AGBL4: variants seen among roughly 807,000 people sequenced by gnomAD.
The protein encoded by AGBL4 is cytosolic carboxypeptidase 6.
In AGBL4, 58 loss-of-function variants were observed where a neutral mutation model predicts 66.4. That is an observed-to-expected ratio of 0.87 (90% CI 0.71 to 1.09). The LOEUF (loss-of-function observed/expected upper bound fraction) is 1.09, where lower values mean the gene tolerates loss of function less well. Among genes scored for constraint, AGBL4 ranks in the 50% least tolerant of loss-of-function variants. AGBL4 has a pLI of 0.00. For missense variants in AGBL4, 579 were observed against 631.0 expected, an observed-to-expected ratio of 0.92 and a Z score of 0.88; for synonymous variants, 234 against 222.9, an observed-to-expected ratio of 1.05 and a Z score of -0.44.
At chr1:48,606,768 C>G (rs1018541383) in intron 9 of AGBL4, among the ~76,000 whole-genome samples, 1 of 152,164 alleles carries the variant, frequency 6.6e-6, no homozygotes, top group Non-Finnish European at 1.5e-5. Flanking sequence ...CTCAAAATAC[C>G]TCCTTCCTTT....
At chr1:49,221,988 C>T (rs1433045403) in intron 4 of AGBL4, among the ~76,000 whole-genome samples, 2 of 152,104 alleles carry the variant, frequency 1.3e-5, no homozygotes, top group Non-Finnish European at 2.9e-5. Flanking sequence ...CAAGATTGCT[C>T]TTACTAACGG....
intron 6 of AGBL4, among the ~76,000 whole-genome samples, chr1:48,788,020 G>T (rs767634194): frequency 6.6e-6 from 1 of 152,244 alleles, no homozygotes; most frequent in Non-Finnish European, 1.5e-5. Flanking sequence ...ATGGCAATAT[G>T]AAAAGTGAAA....
chr1:49,400,937 G>A (rs1645071784), intron 3 of AGBL4, among the ~76,000 whole-genome samples: 1 of 152,126 alleles, frequency 6.6e-6, no homozygotes, highest in Admixed American at 6.5e-5. Context: ...CAGTATACTA[G>A]CTATGGGTCT....
intron 4 of AGBL4, among the ~76,000 whole-genome samples, chr1:49,215,664 T>C (rs1649029653): frequency 6.6e-6 from 1 of 152,092 alleles, no homozygotes. Flanking sequence ...TTCAGACAGG[T>C]ACCCCTCTTT....
chr1:48,742,131 G>A (rs1650013034), intron 6 of AGBL4, among the ~76,000 whole-genome samples: 1 of 152,228 alleles, frequency 6.6e-6, no homozygotes, highest in Admixed American at 6.5e-5. Context: ...GGATAAGGGA[G>A]TATGTCTTGT....
At chr1:49,476,406 A>C (rs146786980) in intron 3 of AGBL4, among the ~76,000 whole-genome samples, 1 of 152,138 alleles carries the variant, frequency 6.6e-6, no homozygotes, top group African/African-American at 2.4e-5. Context: ...TATTCTGTAG[A>C]TGTCTATTAG....
At chr1:48,723,431 T>C (rs1316166607) in intron 6 of AGBL4, among the ~76,000 whole-genome samples, 1 of 152,200 alleles carries the variant, frequency 6.6e-6, no homozygotes, top group Non-Finnish European at 1.5e-5. Flanking sequence ...AAGTTCATTT[T>C]TGATCCTTAG....
chr1:49,640,604 C>T lies in AGBL4; in HGVS notation c.282+56709G>A, dbSNP rs546443344. On this transcript the variant is annotated intron_variant, in intron 3 of 13. Coordinates refer to ENST00000371839, the MANE Select transcript of AGBL4 (RefSeq NM_032785.4). ...ATTCTAAAGATGGAAAAGCCGTCTG[C>T]GCTAGCAAAGGATAATACAATATCA... Among the ~76,000 whole-genome samples the T allele has an allele frequency of 9.2e-5, 14 of 152,208 alleles. No homozygotes were observed. In the South Asian group the frequency reaches 1.2e-3, roughly 14 times the overall value.
chr1:48,795,139 G>A (rs1234009440), intron 6 of AGBL4, among the ~76,000 whole-genome samples: 1 of 152,052 alleles, frequency 6.6e-6, no homozygotes, highest in Non-Finnish European at 1.5e-5. Flanking sequence ...TTTCCCTGCT[G>A]TAAATCTTAC....
intron 5 of AGBL4, among the ~76,000 whole-genome samples, chr1:49,036,446 T>C (rs1664658171): frequency 6.6e-6 from 1 of 152,040 alleles, no homozygotes; most frequent in African/African-American, 2.4e-5. Flanking sequence ...AGGTAAAAAG[T>C]TTGACACCAT....
intron 2 of AGBL4, among the ~76,000 whole-genome samples, chr1:49,793,332 G>A (rs1044514940): frequency 5.3e-5 from 8 of 151,976 alleles, no homozygotes; most frequent in African/African-American, 1.4e-4. Flanking sequence ...TGCTCTATCC[G>A]TTGATACTAA....
chr1:49,755,684 A>C (rs949394186), intron 2 of AGBL4, among the ~76,000 whole-genome samples: 9 of 152,176 alleles, frequency 5.9e-5, no homozygotes, highest in African/African-American at 2.2e-4. Context: ...GGAATCTTAG[A>C]GGCAGCAGCA....
rs1193584998 is a variant in AGBL4 at position 49,263,326 on chromosome 1, CAATT to C, written c.283-17466_283-17463del. Among the ~76,000 whole-genome samples, 5 of 151,268 alleles carry C rather than the reference CAATT, an allele frequency of 3.3e-5. 1 individual carries two copies. The highest frequency in any genetic ancestry group is 9.7e-5 in the African/African-American group (4 of 41,266). On this transcript the variant is annotated intron_variant, in intron 3 of 13. Transcript: ENST00000371839. The stretch of plus-strand genomic sequence containing the variant: ...ATAATAATAAAATTAAATAAATAGA[CAATT>C]AAATGAATATTGATGACTTTCTGAA...
intron 2 of AGBL4, among the ~76,000 whole-genome samples, chr1:49,742,400 G>A (rs1271550808): frequency 3.9e-5 from 6 of 152,166 alleles, no homozygotes; most frequent in Non-Finnish European, 8.8e-5. Flanking sequence ...CGAAATAAAA[G>A]AGAATACAAA....
In AGBL4 at chr1:48,691,390, T is replaced by C. The variant is rs558562629; in HGVS notation, c.635-28149A>G. ...TGCACACACGGCTAGTGGCTGTGTATTGGACAGCATAGGATTAGAGTAATC... is the reference window on the plus strand; with the variant it reads ...TGCACACACGGCTAGTGGCTGTGTACTGGACAGCATAGGATTAGAGTAATC... On this transcript the variant is annotated intron_variant, in intron 6 of 13. Coordinates refer to ENST00000371839, the MANE Select transcript of AGBL4 (RefSeq NM_032785.4). Among the ~76,000 whole-genome samples the C allele has an allele frequency of 3.3e-5, 5 of 152,200 alleles. No homozygotes were observed. In the East Asian group the frequency reaches 9.7e-4, roughly 29 times the overall value.
At chr1:49,509,102 C>T (rs1183837614) in intron 3 of AGBL4, among the ~76,000 whole-genome samples, 1 of 151,720 alleles carries the variant, frequency 6.6e-6, no homozygotes, top group Admixed American at 6.6e-5. Flanking sequence ...TGGGAGAAGA[C>T]ACTTCAGGAT....
intron 2 of AGBL4, among the ~76,000 whole-genome samples, chr1:49,764,755 A>G (rs1212340443): frequency 1.3e-5 from 2 of 152,128 alleles, no homozygotes; most frequent in African/African-American, 4.8e-5. Flanking sequence ...GCCACATCAG[A>G]GAACAGAGGA....
chr1:49,831,987 TTTTTAA>T (rs1296736520), intron 2 of AGBL4, among the ~76,000 whole-genome samples: 2 of 151,836 alleles, frequency 1.3e-5, no homozygotes, highest in Non-Finnish European at 2.9e-5. Context: ...AAGCTTTTTT[TTTTTAA>T]TTTTATTTTA....
chr1:49,745,309 G>A (rs1399165335), intron 2 of AGBL4, among the ~76,000 whole-genome samples: 2 of 152,006 alleles, frequency 1.3e-5, no homozygotes, highest in Non-Finnish European at 2.9e-5. Context: ...AAAAAAAGAT[G>A]AGAACAGTAC....
Sources: allele counts gnomAD v4.1 joint callset (sites outside exome capture counted in the v4.1 genomes callset), GRCh38; gene constraint gnomAD v4.1.1; transcripts MANE v1.5; gene names NCBI Gene and HGNC (gene_info 2026-07-23, HGNC 2026-07-21).